The following ADAM12 variants were observed in gnomAD, a reference collection of about 807,000 sequenced individuals.
ADAM12 encodes the protein ADAM metallopeptidase domain 12.
A neutral mutation model predicts 106.4 loss-of-function variants in ADAM12; 70 were observed. The ratio of observed to expected loss-of-function variants is 0.66; its 90% confidence interval spans 0.54 to 0.80. The LOEUF is 0.80. Among genes scored for constraint, ADAM12 ranks in the 30% least tolerant of loss-of-function variants. The pLI is 0.00. For synonymous variants in ADAM12, 420 were observed against 433.5 expected (o/e 0.97, Z 0.39); for missense variants, 1,010 against 1,171.9 (o/e 0.86, Z 2.02).
chr10:126,040,351 C>T (rs116134914), intron 18 of ADAM12, among the ~76,000 whole-genome samples: 2,022 of 152,302 alleles, frequency 0.013, 43 homozygotes, highest in African/African-American at 0.046. Flanking sequence ...GTGCAACAGT[C>T]CTTTCCGGCT....
In ADAM12 at chr10:126,064,742, C is replaced by T; in HGVS notation, c.1609+64G>A. ...GGCTAACCAAAACAGAGCACATGCC[C>T]CCAGTCCCACAGCCCAGGTCTGCCA... is the stretch of plus-strand genomic sequence containing the variant. On this transcript the variant is annotated intron_variant, in intron 14 of 22. Transcript: ENST00000448723. This position sits in a 1 kb window ranked among gnomAD's most constrained non-coding sequence, Gnocchi z 4.4. 1 of 1,498,758 alleles carries T rather than the reference C, an allele frequency of 6.7e-7. No homozygotes were observed. The highest frequency in any genetic ancestry group is 9.0e-7 in the Non-Finnish European group (1 of 1,116,446). 92.8% of individuals were successfully genotyped at this position (1,498,758 alleles called of 1,614,324 possible).
chr10:126,322,429 A>C (rs1854132918), intron 2 of ADAM12, among the ~76,000 whole-genome samples: 1 of 152,200 alleles, frequency 6.6e-6, no homozygotes, highest in Non-Finnish European at 1.5e-5. Flanking sequence ...TTTACACCCC[A>C]GGGGCCACGT....
intron 21 of ADAM12, among the ~76,000 whole-genome samples, chr10:126,022,651 C>CT (rs1953790000): frequency 6.6e-6 from 1 of 152,198 alleles, no homozygotes; most frequent in African/African-American, 2.4e-5. Flanking sequence ...TTTGCAAAAC[C>CT]TAAACCTGAA....
At chr10:126,168,406 G>C (rs1322951757) in intron 3 of ADAM12, among the ~76,000 whole-genome samples, 1 of 152,172 alleles carries the variant, frequency 6.6e-6, no homozygotes, top group Non-Finnish European at 1.5e-5. Flanking sequence ...CATATAAAAT[G>C]AGAATGATAG....
intron 3 of ADAM12, among the ~76,000 whole-genome samples, chr10:126,234,496 G>A (rs1355741250): frequency 1.3e-5 from 2 of 152,156 alleles, no homozygotes; most frequent in Non-Finnish European, 1.5e-5. Flanking sequence ...CAGTTACAAC[G>A]TTTCTAGTTC....
intron 3 of ADAM12, among the ~76,000 whole-genome samples, chr10:126,273,945 T>C (rs1055816144): frequency 4.6e-5 from 7 of 152,206 alleles, no homozygotes; most frequent in Non-Finnish European, 8.8e-5. Context: ...ATCAGTAACT[T>C]GCTGTTGGGA....
chr10:126,041,344 T>C, intron 18 of ADAM12: 1 of 985,748 alleles, frequency 1.0e-6, no homozygotes, highest in Non-Finnish European at 1.2e-6. Context: ...GAGGCAGCGG[T>C]ATTTCAAATG....
At chr10:126,330,335 A>T in intron 2 of ADAM12, 77 bp downstream of exon 2, 2 of 1,218,680 alleles carry the variant, frequency 1.6e-6, no homozygotes, top group Non-Finnish European at 2.3e-6. Context: ...CAACCCTTGA[A>T]TGAGAGAATA....
chr10:126,034,736 T>C (rs913663708), intron 21 of ADAM12, among the ~76,000 whole-genome samples: 6 of 152,188 alleles, frequency 3.9e-5, no homozygotes, highest in Non-Finnish European at 7.4e-5. Context: ...TTTATCCTGT[T>C]TTTAGAAGTA....
intron 3 of ADAM12, among the ~76,000 whole-genome samples, chr10:126,226,524 C>CT (rs1958200207): frequency 6.6e-6 from 1 of 152,238 alleles, no homozygotes; most frequent in Admixed American, 6.5e-5. Flanking sequence ...GCTGTCGACT[C>CT]TGACGGGCCT....
intron 3 of ADAM12, among the ~76,000 whole-genome samples, chr10:126,180,242 C>T (rs2133781652): frequency 6.6e-6 from 1 of 152,258 alleles, no homozygotes; most frequent in Non-Finnish European, 1.5e-5. Flanking sequence ...GCTTAGTAAC[C>T]AGCCGGATTA....
rs149789662 is a variant in ADAM12, at chr10:126,362,474, G to T, written c.88+25584C>A. ...TATTTACCCAAAAGATTTGAAATCA[G>T]TATGTCAAAGAGATGTCTGAACTCC... On this transcript the variant is annotated intron_variant, in intron 1 of 22. Coordinates refer to ENST00000448723, the MANE Select transcript of ADAM12 (RefSeq NM_001288973.2). 4.0e-3 allele frequency among the ~76,000 whole-genome samples: 607 copies of T among 152,160 alleles called. 4 individuals are homozygous for T. The highest frequency in any genetic ancestry group is 0.014 in the African/African-American group (581 of 41,528).
intron 1 of ADAM12, among the ~76,000 whole-genome samples, chr10:126,343,972 G>C (rs1235061990): frequency 2.0e-5 from 3 of 152,090 alleles, no homozygotes; most frequent in Non-Finnish European, 4.4e-5. Flanking sequence ...TATGTAGATT[G>C]CCTGTTCACT....
At chr10:126,228,212 C>T (rs114222365) in intron 3 of ADAM12, among the ~76,000 whole-genome samples, 2 of 152,256 alleles carry the variant, frequency 1.3e-5, no homozygotes, top group African/African-American at 2.4e-5. Context: ...TTCACAAAGT[C>T]GTAACTGTAC....
At chr10:126,073,899 T>G (rs1305408232) in intron 11 of ADAM12, among the ~76,000 whole-genome samples, 1 of 152,210 alleles carries the variant, frequency 6.6e-6, no homozygotes, top group Admixed American at 6.5e-5. Flanking sequence ...AAAATGATAA[T>G]GTTTTTGCAA....
At chr10:126,156,422 A>G (rs1398818703) in intron 3 of ADAM12, among the ~76,000 whole-genome samples, 1 of 152,218 alleles carries the variant, frequency 6.6e-6, no homozygotes, top group Non-Finnish European at 1.5e-5. Flanking sequence ...TCATTTACAT[A>G]GGGCGCACAC....
chr10:126,375,060 G>A (rs570644831), intron 1 of ADAM12, among the ~76,000 whole-genome samples: 1 of 152,124 alleles, frequency 6.6e-6, no homozygotes, highest in African/African-American at 2.4e-5. Context: ...GGTAATATCT[G>A]CTAAAAGAAA....
intron 3 of ADAM12, among the ~76,000 whole-genome samples, chr10:126,164,680 G>C (rs1218952495): frequency 1.3e-5 from 2 of 152,128 alleles, no homozygotes; most frequent in Non-Finnish European, 2.9e-5. Flanking sequence ...AATAAATATA[G>C]AGAAAAGATC....
chr10:126,229,647 C>A (rs1332374570), intron 3 of ADAM12, among the ~76,000 whole-genome samples: 2 of 131,890 alleles, frequency 1.5e-5, no homozygotes, highest in African/African-American at 3.0e-5. Flanking sequence ...CCTCTTCCCC[C>A]CCACTGTCTC....
Sources: allele counts gnomAD v4.1 joint callset (sites outside exome capture counted in the v4.1 genomes callset), GRCh38; gene constraint gnomAD v4.1.1; non-coding constraint Gnocchi (gnomAD v3.1); transcripts MANE v1.5; gene names NCBI Gene and HGNC (gene_info 2026-07-23, HGNC 2026-07-21).